The following GSN variants were observed in gnomAD, a reference collection of about 807,000 sequenced individuals.
GSN encodes the protein actin-depolymerizing factor.
GSN carries 56 observed loss-of-function variants against 85.7 expected under a neutral mutation model. The ratio of observed to expected loss-of-function variants is 0.65; its 90% CI spans 0.53 to 0.82. The LOEUF (loss-of-function observed/expected upper bound fraction) is 0.82, where lower values mean the gene tolerates loss of function less well. Ranked by LOEUF, GSN falls within the 40% of genes least tolerant of loss-of-function variation. The probability of loss-of-function intolerance (pLI) is 0.00; values close to 1 mark genes in which losing one functional copy is unlikely to be tolerated. For missense variants in GSN, 857 were observed against 979.8 expected (o/e 0.87, Z 1.67); for synonymous variants, 373 against 399.1 (o/e 0.93, Z 0.78).
Position 121,299,664 on chromosome 9 carries a change from C to G in GSN, c.-9-2299C>G. ...CTGGTGCTGGGTCTCCGCCCCGGAG[C>G]TGGGGTGCAGGGGCTGCCGCGCCCT... On this transcript the variant is annotated intron_variant, in intron 2 of 17. Transcript: ENST00000432226. This position sits in a 1 kb window ranked among gnomAD's most constrained non-coding sequence, Gnocchi z 4.2. 1 of 675,784 alleles carries G rather than the reference C, an allele frequency of 1.5e-6. No individual in the cohort carries two copies. The highest frequency in any genetic ancestry group is 2.0e-6 in the Non-Finnish European group (1 of 508,628). The allele number at this position is 675,784 out of a possible 1,614,324, so 41.9% of individuals were successfully genotyped here.
intron 6 of GSN, among the ~76,000 whole-genome samples, chr9:121,249,554 C>T (rs1405757700): frequency 6.6e-6 from 1 of 152,166 alleles, no homozygotes; most frequent in Non-Finnish European, 1.5e-5. Flanking sequence ...AATAACATGT[C>T]CTTATCATCC....
upstream of GSN, among the ~76,000 whole-genome samples, chr9:121,267,160 C>G (rs2055248782): frequency 1.3e-5 from 2 of 152,296 alleles, no homozygotes; most frequent in Admixed American, 1.3e-4. Context: ...ACCGGAGTCA[C>G]GCGGCAACTC....
intron 4 of GSN, among the ~76,000 whole-genome samples, chr9:121,219,012 C>T (rs1012765084): frequency 3.3e-5 from 5 of 152,172 alleles, no homozygotes; most frequent in Admixed American, 6.5e-5. Flanking sequence ...CAGTTTTGTC[C>T]AAGCATCCAT....
intron 4 of GSN, chr9:121,308,963 G>A (rs1404774313): frequency 6.6e-6 from 1 of 152,294 alleles, no homozygotes; most frequent in Non-Finnish European, 1.5e-5. Flanking sequence ...GCTAGAATTA[G>A]ACTTAGCACA....
At chr9:121,253,943 C>T (rs2132252321) in intron 6 of GSN, among the ~76,000 whole-genome samples, 1 of 152,310 alleles carries the variant, frequency 6.6e-6, no homozygotes, top group Non-Finnish European at 1.5e-5. Flanking sequence ...TCACTTTCTT[C>T]TTCTCCTTTC....
intron 1 of GSN, among the ~76,000 whole-genome samples, chr9:121,272,658 T>C (rs1221662004): frequency 6.6e-6 from 1 of 152,220 alleles, no homozygotes; most frequent in Non-Finnish European, 1.5e-5. Context: ...TTCCCTGCTC[T>C]ACAAGCAACA....
intron 4 of GSN, among the ~76,000 whole-genome samples, chr9:121,228,596 G>C (rs1483332566): frequency 1.3e-5 from 2 of 151,290 alleles, no homozygotes; most frequent in Non-Finnish European, 2.9e-5. Flanking sequence ...ACCATACCCG[G>C]ATAATTTTTG....
chr9:121,284,637 A>T (rs947910736), intron 2 of GSN: 3 of 167,000 alleles, frequency 1.8e-5, no homozygotes, highest in African/African-American at 7.2e-5. Flanking sequence ...TGGCCGCTGG[A>T]AGAGCCCACT....
chr9:121,224,156 G>C (rs1052442686), intron 4 of GSN, among the ~76,000 whole-genome samples: 7 of 152,024 alleles, frequency 4.6e-5, no homozygotes, highest in Non-Finnish European at 8.8e-5. Context: ...GAGTGCAGTG[G>C]TGCGATCTTG....
At chr9:121,242,605 A>G (rs1003618060) in intron 5 of GSN, among the ~76,000 whole-genome samples, 3 of 152,204 alleles carry the variant, frequency 2.0e-5, no homozygotes, top group African/African-American at 7.2e-5. Context: ...TTTTTCTGCA[A>G]ATAAGTTTTG....
At chr9:121,253,870 CT>C (rs974302046) in intron 6 of GSN, among the ~76,000 whole-genome samples, 39 of 152,326 alleles carry the variant, frequency 2.6e-4, no homozygotes, top group African/African-American at 9.1e-4. Context: ...GGTCCTCTTC[CT>C]TTTTGGTAAA....
chr9:121,244,622 T>A (rs1045086228), intron 5 of GSN, among the ~76,000 whole-genome samples: 1 of 152,216 alleles, frequency 6.6e-6, no homozygotes, highest in Non-Finnish European at 1.5e-5. Flanking sequence ...AAAAGGTGCA[T>A]GTGCAAGGCT....
At chr9:121,259,545 T>C (rs1043642138) in intron 6 of GSN, among the ~76,000 whole-genome samples, 3 of 152,182 alleles carry the variant, frequency 2.0e-5, no homozygotes, top group Admixed American at 1.3e-4. Flanking sequence ...ATACAAAGCA[T>C]GACCTGACAG....
intron 5 of GSN, among the ~76,000 whole-genome samples, chr9:121,234,377 A>G (rs1037343089): frequency 6.6e-6 from 1 of 152,188 alleles, no homozygotes; most frequent in African/African-American, 2.4e-5. Flanking sequence ...GGCATCACAT[A>G]TGGGATGCTG....
Position 121,299,884 on chromosome 9 carries a change from C to CCGCGCT in GSN, c.-9-2078_-9-2073dup. 1 of 1,322,224 alleles carries CCGCGCT rather than the reference C, an allele frequency of 7.6e-7. No individual in the cohort carries two copies. Among genetic ancestry groups the CCGCGCT allele is most frequent in the East Asian group, 3.3e-5 (1 of 30,016 alleles). The allele number at this position is 1,322,224 out of a possible 1,614,324, so 81.9% of individuals were successfully genotyped here. A position where few individuals can be genotyped will look rare whatever the true frequency, so the allele number is the denominator to read the frequency against. On this transcript the variant is annotated intron_variant, in intron 2 of 17. Coordinates refer to ENST00000432226, the MANE Select transcript of GSN (RefSeq NM_198252.3). The surrounding 1 kb of genome is among the most constrained non-coding windows in gnomAD (Gnocchi z 4.2). ...ACCATGGCTCCGCACCGCCCCGCGC[C>CCGCGCT]CGCGCTGCTTTGCGCGCTGTCCCTG...
intron 5 of GSN, among the ~76,000 whole-genome samples, chr9:121,235,597 G>A (rs1169066693): frequency 1.3e-5 from 2 of 152,192 alleles, no homozygotes; most frequent in Non-Finnish European, 2.9e-5. Context: ...GAGCAGAAGG[G>A]CAGCTTTGGT....
intron 5 of GSN, chr9:121,238,130 T>C (rs1422456060): frequency 6.6e-6 from 1 of 152,230 alleles, no homozygotes; most frequent in Non-Finnish European, 1.5e-5. Flanking sequence ...CTTTGCAGAG[T>C]CTCAAGGGTA....
intron 4 of GSN, chr9:121,222,931 T>G (rs1402997710): frequency 6.6e-6 from 1 of 152,160 alleles, no homozygotes; most frequent in Non-Finnish European, 1.5e-5. Context: ...CTGGCAGGGT[T>G]GCGTTACTGT....
At chr9:121,254,481 A>G (rs568189452) in intron 6 of GSN, among the ~76,000 whole-genome samples, 2 of 152,312 alleles carry the variant, frequency 1.3e-5, no homozygotes, top group Non-Finnish European at 2.9e-5. Flanking sequence ...TCCACCACAC[A>G]GGAGGAAAGA....
Sources: allele counts gnomAD v4.1 joint callset (sites outside exome capture counted in the v4.1 genomes callset), GRCh38; gene constraint gnomAD v4.1.1; non-coding constraint Gnocchi (gnomAD v3.1); transcripts MANE v1.5; gene names NCBI Gene and HGNC (gene_info 2026-07-23, HGNC 2026-07-21).